ARL6: variants seen among roughly 807,000 people sequenced by gnomAD.
ARL6 encodes ARF like GTPase 6.
In ARL6, 18 loss-of-function variants were observed where a neutral mutation model predicts 27.1. The ratio of observed to expected loss-of-function variants is 0.66; its 90% CI spans 0.46 to 0.98. ARL6 has a LOEUF of 0.98. Among genes scored for constraint, ARL6 ranks in the 50% least tolerant of loss-of-function variants. The pLI is 0.00. For synonymous variants in ARL6, 65 were observed against 72.3 expected, an observed-to-expected ratio of 0.90 and a Z score of 0.51; for missense variants, 187 against 214.9, an observed-to-expected ratio of 0.87 and a Z score of 0.81.
At chr3:97,765,129 C>A (rs140986737) in intron 1 of ARL6, among the ~76,000 whole-genome samples, 152 bp downstream of exon 1, 1 of 151,582 alleles carries the variant, frequency 6.6e-6, no homozygotes, top group Non-Finnish European at 1.5e-5. Context: ...TTATAGAGGC[C>A]CTAGAAAACT....
chr3:97,788,221 T>C, intron 6 of ARL6, 102 bp downstream of exon 6: 1 of 1,214,752 alleles, frequency 8.2e-7, no homozygotes, highest in Non-Finnish European at 1.2e-6. Context: ...TGATCAAACA[T>C]GGTGGCATAT....
At chr3:97,774,159 T>C (rs1393461724) in intron 2 of ARL6, among the ~76,000 whole-genome samples, 2 of 152,210 alleles carry the variant, frequency 1.3e-5, no homozygotes, top group Non-Finnish European at 2.9e-5. Context: ...TCTTAGCTTG[T>C]TGACTTAAAG....
chr3:97,789,937 T>G (rs2037641433), intron 6 of ARL6, among the ~76,000 whole-genome samples: 1 of 151,938 alleles, frequency 6.6e-6, no homozygotes, highest in African/African-American at 2.4e-5. Flanking sequence ...AAAGAAAAAT[T>G]TTATGTTTTA....
At chr3:97,765,212 GTGT>G (rs1212871732) in intron 1 of ARL6, among the ~76,000 whole-genome samples, 13 of 8,580 alleles carry the variant, frequency 1.5e-3, no homozygotes, top group African/African-American at 2.7e-3. Context: ...TGTATTGGGG[GTGT>G]GTGTGTGTGT....
rs148230546 is a variant in ARL6, at chr3:97,768,158, G to C, written c.51G>C (p.Glu17Asp). Residue 17 changes from glutamate to aspartate, a missense_variant, in exon 2 of 8, where the codon GAG becomes GAC. Coordinates refer to ENST00000463745, the MANE Select transcript of ARL6 (RefSeq NM_001278293.3). ...LSVLLGLKKK[E>D]VHVLCLGLDN... ...TCTTGCTTGGCCTGAAGAAGAAGGA[G>C]GTTCATGTTTTGTGCCTTGGGCTAG... 3.7e-6 allele frequency: 6 copies of C among 1,612,896 alleles called. No homozygotes were observed. In the African/African-American group the frequency reaches 8.0e-5, roughly 22 times the overall value.
At chr3:97,779,878 A>C (rs1405987655) in intron 2 of ARL6, among the ~76,000 whole-genome samples, 1 of 151,968 alleles carries the variant, frequency 6.6e-6, no homozygotes, top group African/African-American at 2.4e-5. Flanking sequence ...AAAAAAAAAA[A>C]ACACTTATTA....
chr3:97,790,286 A>G (rs2037672371), intron 6 of ARL6, among the ~76,000 whole-genome samples: 1 of 152,150 alleles, frequency 6.6e-6, no homozygotes, highest in East Asian at 1.9e-4. Flanking sequence ...TGGAGGAATA[A>G]TTGTCCAGAT....
intron 4 of ARL6, among the ~76,000 whole-genome samples, chr3:97,781,880 C>T (rs571167987): frequency 1.3e-5 from 2 of 151,862 alleles, no homozygotes; most frequent in East Asian, 3.9e-4. Flanking sequence ...TGATATTTAC[C>T]AGATAAGATT....
upstream of ARL6, chr3:97,764,601 T>A (rs1467430288): frequency 6.6e-6 from 1 of 152,314 alleles, no homozygotes; most frequent in Non-Finnish European, 1.5e-5. Flanking sequence ...TGCACACATT[T>A]TTCTTCAATG....
chr3:97,766,650 C>G (rs1327469179), intron 1 of ARL6: 1 of 152,138 alleles, frequency 6.6e-6, no homozygotes, highest in Non-Finnish European at 1.5e-5. Context: ...GTCTTGGAAG[C>G]CTGTTATTGA....
chr3:97,792,964 A>AT lies in ARL6; in HGVS notation c.535+1149dup, dbSNP rs201221805. ...AACCTTTTAATGCCAGTTGTGTGTG[A>AT]TTTTTTTTTTTAAATCTTCTGCATG... On this transcript the variant is annotated intron_variant, in intron 7 of 7. Transcript: ENST00000463745. Among the ~76,000 whole-genome samples the AT allele has an allele frequency of 1.8e-3, 275 of 149,590 alleles. 1 individual carries two copies. Among genetic ancestry groups the AT allele is most frequent in the East Asian group, 0.011 (59 of 5,138 alleles).
Position 97,791,808 on chromosome 3 carries a change from G to A in ARL6, c.517G>A (p.Gly173Ser). The change falls in exon 7 of 8, where the codon GGT (glycine) becomes AGT (serine). Residue 173 changes from glycine to serine, a missense_variant. By Grantham distance (56) the Gly-to-Ser change is moderately conservative. Coordinates refer to ENST00000463745, the MANE Select transcript of ARL6 (RefSeq NM_001278293.3). ...DAIKGEGLQE[G>S]VDWLQDQIQT... ...CATAAAAGGAGAAGGCTTGCAAGAA[G>A]GTGTAGACTGGCTTCAAGGTACATT... 6.2e-7 allele frequency: 1 copy of A among 1,613,662 alleles called. No homozygotes were observed. The highest frequency in any genetic ancestry group is 8.5e-7 in the Non-Finnish European group (1 of 1,179,762).
At chr3:97,780,821 A>G in intron 4 of ARL6, 138 bp downstream of exon 4, 1 of 696,016 alleles carries the variant, frequency 1.4e-6, no homozygotes, top group Non-Finnish European at 2.5e-6. Flanking sequence ...TTTAAAAAAT[A>G]TGTAATGAGA....
rs1272310923 is a variant in ARL6 at position 97,788,122 on chromosome 3, A to C, written c.479+3A>C. 3 of 1,612,288 alleles carry C rather than the reference A, an allele frequency of 1.9e-6. No homozygotes were observed. The highest frequency in any genetic ancestry group is 2.5e-6 in the Non-Finnish European group (3 of 1,179,314). ...AAAGATAAACCCTGGCATATTTGGT[A>C]AAGTTTTATATTTACTTTTCACTGT... On this transcript the variant is annotated splice_donor_region_variant and intron_variant, in intron 6 of 7. Transcript: ENST00000463745.
intron 6 of ARL6, 116 bp downstream of exon 6, chr3:97,788,235 C>A: frequency 1.8e-6 from 2 of 1,105,608 alleles, no homozygotes; most frequent in Non-Finnish European, 2.6e-6. Flanking sequence ...GGCATATAAG[C>A]TAAGGATTTT....
intron 7 of ARL6, 79 bp from the exon 8 acceptor site, chr3:97,797,945 T>G: frequency 7.6e-7 from 1 of 1,318,076 alleles, no homozygotes; most frequent in Non-Finnish European, 1.1e-6. Context: ...ACATGTTGTA[T>G]AGATTTGACT....
chr3:97,797,987 T>C, intron 7 of ARL6, 37 bp from the exon 8 acceptor site: 1 of 1,601,814 alleles, frequency 6.2e-7, no homozygotes, highest in Non-Finnish European at 8.6e-7. Flanking sequence ...TTTTGCCCTA[T>C]AGAGATTGAT....
At chr3:97,774,034 G>A (rs773890176) in intron 2 of ARL6, among the ~76,000 whole-genome samples, 11 of 152,136 alleles carry the variant, frequency 7.2e-5, no homozygotes, top group Non-Finnish European at 1.6e-4. Context: ...ACAAAGAGAT[G>A]CCCTAATGGA....
chr3:97,791,777 TG>T lies in ARL6; in HGVS notation c.487del (p.Asp163MetfsTer3). ...KDKPWHICASDAIKGEGLQEG... is the reference protein window; with the variant it reads ...KDKPWHICASXAIKGEGLQEG... ...CTTATGGATTTCATTTCAGTGCTAGTGATGCCATAAAAGGAGAAGGCTTGCA... is the reference window on the plus strand; with the variant it reads ...CTTATGGATTTCATTTCAGTGCTAGTATGCCATAAAAGGAGAAGGCTTGCA... On this transcript the variant is annotated frameshift_variant, in exon 7 of 8. Transcript: ENST00000463745. LOFTEE classifies it high-confidence loss of function. 6.2e-7 allele frequency: 1 copy of T among 1,613,676 alleles called. No homozygotes were observed. The highest frequency in any genetic ancestry group is 8.5e-7 in the Non-Finnish European group (1 of 1,179,712).
Sources: gnomAD v4.1 joint callset for allele counts (sites outside exome capture counted in the v4.1 genomes callset) on GRCh38, gnomAD v4.1.1 for gene constraint, MANE v1.5 for transcripts, NCBI Gene and HGNC (gene_info 2026-07-23, HGNC 2026-07-21) for gene names.